Variants in TMEM108 observed in about 807,000 individuals in gnomAD.
The protein encoded by TMEM108 is cancer/testis antigen 124.
In TMEM108, 12 loss-of-function variants were observed where a neutral mutation model predicts 35.1. The observed-to-expected ratio is 0.34, with a 90% CI of 0.22 to 0.55. The LOEUF (loss-of-function observed/expected upper bound fraction) is 0.55, where lower values mean the gene tolerates loss of function less well. TMEM108 is among the 20% of genes least tolerant of loss of function. The probability of loss-of-function intolerance (pLI) is 0.89; values close to 1 mark genes in which losing one functional copy is unlikely to be tolerated. For missense variants in TMEM108, 680 were observed against 753.3 expected (o/e 0.90, Z 1.14); for synonymous variants, 287 against 308.6 (o/e 0.93, Z 0.73).
At chr3:133,199,597 C>T (rs185087667) in intron 2 of TMEM108, among the ~76,000 whole-genome samples, 18 of 152,308 alleles carry the variant, frequency 1.2e-4, no homozygotes, top group African/African-American at 4.1e-4. Flanking sequence ...GGCTGCAGAA[C>T]AGCAAATATT....
chr3:133,275,268 A>T (rs969073411), intron 3 of TMEM108, among the ~76,000 whole-genome samples: 4 of 152,226 alleles, frequency 2.6e-5, no homozygotes, highest in African/African-American at 9.6e-5. Flanking sequence ...TATAATAGGA[A>T]TCACATATGT....
chr3:133,244,531 G>A (rs768786212), intron 3 of TMEM108, among the ~76,000 whole-genome samples: 22 of 152,250 alleles, frequency 1.4e-4, no homozygotes, highest in Middle Eastern at 6.8e-3. Context: ...ATTGAAGTTC[G>A]CCCTGGATGT....
Position 133,346,975 on chromosome 3 carries a change from C to T in TMEM108, c.41-32777C>T, listed in dbSNP as rs7622617. On this transcript the variant is annotated intron_variant, in intron 3 of 5. Transcript: ENST00000321871. The surrounding 1 kb of genome is among the most constrained non-coding windows in gnomAD (Gnocchi z 4.0). ...TATTTGCGTGAGTCTGTCTCTGGAC[C>T]CTATTCTGTTCTGTTGATCAGTTTC... is the stretch of plus-strand genomic sequence containing the variant. Among the ~76,000 whole-genome samples, 51,204 of 151,872 alleles carry T rather than the reference C, an allele frequency of 0.34. 9,036 individuals are homozygous for T. The highest frequency in any genetic ancestry group is 0.48 in the East Asian group (2,470 of 5,156).
chr3:133,082,659 ATTG>A (rs890011224), intron 2 of TMEM108, among the ~76,000 whole-genome samples: 92 of 151,884 alleles, frequency 6.1e-4, no homozygotes, highest in African/African-American at 2.0e-3. Flanking sequence ...TATTATTATT[ATTG>A]TTGTTTTGAG....
intron 2 of TMEM108, among the ~76,000 whole-genome samples, chr3:133,061,203 G>A (rs1379839420): frequency 1.3e-5 from 2 of 149,552 alleles, no homozygotes; most frequent in African/African-American, 4.9e-5. Context: ...TGTACAATGG[G>A]CATGTCTCCT....
chr3:133,049,838 C>G (rs1253383259), intron 2 of TMEM108, among the ~76,000 whole-genome samples: 2 of 152,046 alleles, frequency 1.3e-5, no homozygotes, highest in African/African-American at 4.8e-5. Flanking sequence ...TTTCACCTCC[C>G]CTACTTCCAA....
chr3:133,106,232 T>G (rs1944151555), intron 2 of TMEM108, among the ~76,000 whole-genome samples: 1 of 146,376 alleles, frequency 6.8e-6, no homozygotes, highest in Non-Finnish European at 1.5e-5. Context: ...TGAGAAATAA[T>G]GTTACGTATT....
At chr3:133,050,262 G>T (rs966634131) in intron 2 of TMEM108, among the ~76,000 whole-genome samples, 12 of 152,092 alleles carry the variant, frequency 7.9e-5, no homozygotes, top group Non-Finnish European at 1.8e-4. Context: ...TAACCCTGCT[G>T]TTTTTCTTTT....
chr3:133,061,503 G>A (rs1024441225), intron 2 of TMEM108, among the ~76,000 whole-genome samples: 3 of 151,916 alleles, frequency 2.0e-5, no homozygotes, highest in Non-Finnish European at 4.4e-5. Flanking sequence ...ATGAGCCATC[G>A]TGCCCAGCCG....
chr3:133,067,725 G>T (rs1943628207), intron 2 of TMEM108, among the ~76,000 whole-genome samples: 1 of 152,170 alleles, frequency 6.6e-6, no homozygotes, highest in Non-Finnish European at 1.5e-5. Context: ...ACAAGTATGT[G>T]ATAAGTTAAA....
chr3:133,113,758 A>C, intron 2 of TMEM108, among the ~76,000 whole-genome samples: 1 of 152,058 alleles, frequency 6.6e-6, no homozygotes, highest in Non-Finnish European at 1.5e-5. Flanking sequence ...ATTTTCCTTG[A>C]CTGAGGTGGC....
chr3:133,388,918 C>T (rs895891471), intron 4 of TMEM108: 8 of 985,592 alleles, frequency 8.1e-6, no homozygotes, highest in African/African-American at 5.2e-5. Context: ...TGCCAACCCC[C>T]GGTGCTGGCC....
At chr3:133,153,474 A>T (rs185910833) in intron 2 of TMEM108, among the ~76,000 whole-genome samples, 1 of 152,198 alleles carries the variant, frequency 6.6e-6, no homozygotes, top group South Asian at 2.1e-4. Context: ...CCACTTTTAC[A>T]GTGAGGAAAG....
In TMEM108 at chr3:133,380,723, G is replaced by A; in HGVS notation, c.1012G>A (p.Val338Ile). The change falls in exon 4 of 6, where the codon GTT becomes ATT. Residue 338 changes from valine to isoleucine, a missense_variant. Around this residue, in one of 3 missense-constraint regions of TMEM108, gnomAD observed 526 missense variants for 532.1 expected, o/e 0.99. Transcript: ENST00000321871. The surrounding 1 kb of genome is among the most constrained non-coding windows in gnomAD (Gnocchi z 5.3). ...CAGCCATAGTGACTCTTGGCTTACT[G>A]TTACCCCTGGCACCAGCAGACCTCT... ...GPSHSDSWLT[V>I]TPGTSRPLST... The A allele has an allele frequency of 6.2e-7, 1 of 1,614,072 alleles. No homozygotes were observed. Among genetic ancestry groups the A allele is most frequent in the Non-Finnish European group, 8.5e-7 (1 of 1,180,010 alleles).
intron 3 of TMEM108, among the ~76,000 whole-genome samples, chr3:133,245,583 C>T (rs1946374678): frequency 6.6e-6 from 1 of 152,150 alleles, no homozygotes; most frequent in South Asian, 2.1e-4. Flanking sequence ...TTGTTTATTG[C>T]CTACAGTCAG....
rs1377337274 is a variant in TMEM108, at chr3:133,346,464, C to T, written c.41-33288C>T. On this transcript the variant is annotated intron_variant, in intron 3 of 5. Transcript: ENST00000321871. This position sits in a 1 kb window ranked among gnomAD's most constrained non-coding sequence, Gnocchi z 4.0. ...GCTTATTGGCTATCTGTATTATCTT[C>T]ATTGGTGAGGTATCTGTTCAGATCT... Among the ~76,000 whole-genome samples, 1 of 151,946 alleles carries T rather than the reference C, an allele frequency of 6.6e-6. No individual in the cohort carries two copies. The highest frequency in any genetic ancestry group is 1.5e-5 in the Non-Finnish European group (1 of 67,880).
At chr3:133,315,352 C>T (rs1321036726) in intron 3 of TMEM108, among the ~76,000 whole-genome samples, 1 of 152,182 alleles carries the variant, frequency 6.6e-6, no homozygotes, top group Non-Finnish European at 1.5e-5. Context: ...GGTCCCTCCT[C>T]CCTCCAATCT....
intron 2 of TMEM108, among the ~76,000 whole-genome samples, chr3:133,068,719 CACCTGTT>C (rs1175397331): frequency 3.3e-5 from 5 of 152,100 alleles, no homozygotes; most frequent in Non-Finnish European, 2.9e-5. Flanking sequence ...ACATTTGCAG[CACCTGTT>C]ACCTGTGAGG....
At chr3:133,201,295 A>G (rs1453132864) in intron 2 of TMEM108, among the ~76,000 whole-genome samples, 2 of 151,788 alleles carry the variant, frequency 1.3e-5, no homozygotes, top group African/African-American at 4.9e-5. Flanking sequence ...TTAGACCTCT[A>G]ATTAAAAAAA....
Sources: gnomAD v4.1 joint callset for allele counts (sites outside exome capture counted in the v4.1 genomes callset) on GRCh38, gnomAD v4.1.1 for gene constraint, gnomAD v4.1.1 regional missense constraint, Gnocchi (gnomAD v3.1) non-coding constraint, MANE v1.5 for transcripts, NCBI Gene and HGNC (gene_info 2026-07-23, HGNC 2026-07-21) for gene names.